Variants in WDR36 observed in about 807,000 individuals in gnomAD.
WDR36 encodes WD repeat domain 36.
WDR36 carries 63 observed loss-of-function variants against 112.7 expected under a neutral mutation model. That is an observed-to-expected ratio of 0.56 (90% CI 0.46 to 0.69). The LOEUF is 0.69. WDR36 is among the 30% of genes least tolerant of loss of function. The probability of loss-of-function intolerance (pLI) is 0.00; values close to 1 mark genes in which losing one functional copy is unlikely to be tolerated. For missense variants in WDR36, 1,226 were observed against 1,070.3 expected (o/e 1.15, Z -2.03); for synonymous variants, 410 against 362.2 (o/e 1.13, Z -1.50).
rs1345348602 is a variant in WDR36 at position 111,125,469 on chromosome 5, A to G, written c.2351-139A>G. 16 of 847,158 alleles carry G rather than the reference A, an allele frequency of 1.9e-5. No homozygotes were observed. In the East Asian group the frequency reaches 3.8e-4, roughly 20 times the overall value. The allele number at this position is 847,158 out of a possible 1,614,324, so 52.5% of individuals were successfully genotyped here. A position where few individuals can be genotyped will look rare whatever the true frequency, so the allele number is the denominator to read the frequency against. On this transcript the variant is annotated intron_variant, in intron 21 of 22. Coordinates refer to ENST00000513710, the MANE Select transcript of WDR36 (RefSeq NM_139281.3). ...ATTATTTTGGGTTTCATTCTACTAC[A>G]TAATATGAAAAAATTAACCCACAGG...
chr5:111,097,844 GGTTCCC>G (rs1374450998), intron 3 of WDR36, among the ~76,000 whole-genome samples: 1 of 152,162 alleles, frequency 6.6e-6, no homozygotes, highest in Non-Finnish European at 1.5e-5. Context: ...GGAGTGAGGT[GGTTCCC>G]ACAGTCTTTC....
In WDR36 at chr5:111,119,137, A is replaced by T; in HGVS notation, c.1904+17A>T. On this transcript the variant is annotated intron_variant, in intron 17 of 22. Coordinates refer to ENST00000513710, the MANE Select transcript of WDR36 (RefSeq NM_139281.3). ...TTATCTATGGTAAGTTCTTTCATAC[A>T]GTTCTGTTTTGGGATGAAGAAGATT... 6.3e-7 allele frequency: 1 copy of T among 1,580,966 alleles called. No individual in the cohort carries two copies. Among genetic ancestry groups the T allele is most frequent in the South Asian group, 1.1e-5 (1 of 90,434 alleles).
Position 111,107,339 on chromosome 5 carries a change from A to C in WDR36, c.1226A>C (p.Gln409Pro). 6.2e-7 allele frequency: 1 copy of C among 1,610,592 alleles called. No homozygotes were observed. ...TGGGATGGTATCATTGCTTGCCATCAAGGTAAGCTATCTTGCTCAACCTGG... is the reference window on the plus strand; with the variant it reads ...TGGGATGGTATCATTGCTTGCCATCCAGGTAAGCTATCTTGCTCAACCTGG... ...SDWDGIIACH[Q>P]GKLSCSTWNY... Residue 409 changes from glutamine to proline, a missense_variant, in exon 12 of 23, where the codon CAA becomes CCA. Transcript: ENST00000513710.
intron 8 of WDR36, 145 bp from the exon 9 acceptor site, chr5:111,104,552 A>C: frequency 7.2e-7 from 1 of 1,395,052 alleles, no homozygotes; most frequent in Non-Finnish European, 1.0e-6. Context: ...TTTCTCCCCC[A>C]ATACCCACTC....
At chr5:111,104,486 A>G in intron 8 of WDR36, 134 bp downstream of exon 8, 1 of 1,418,448 alleles carries the variant, frequency 7.0e-7, no homozygotes, top group Admixed American at 1.7e-5. Flanking sequence ...TATAGATGAA[A>G]CAAAAAGCAC....
chr5:111,121,018 A>G lies in WDR36; in HGVS notation c.2025A>G (p.Thr675=). The stretch of plus-strand genomic sequence containing the variant: ...AAGATGTAGAAGTATCAGAAGAAAC[A>G]GTAGAACCAAGTGATGAATTGATAG... ...QTQDVEVSEE[T]VEPSDELIEY... is the part of the protein sequence containing the mutation. Residue 675 remains threonine (T), a synonymous_variant, in exon 19 of 23, where the codon ACA becomes ACG. Transcript: ENST00000513710. 4 of 1,613,464 alleles carry G rather than the reference A, an allele frequency of 2.5e-6. No homozygotes were observed. Among genetic ancestry groups the G allele is most frequent in the South Asian group, 1.1e-5 (1 of 91,040 alleles).
chr5:111,111,156 A>T lies in WDR36; in HGVS notation c.1608-14A>T. ...GTTTTTTGTTTATTAAAACTGGTGCATTTATCTTGCTAGTGGCATTCTGGG... is the reference window on the plus strand; with the variant it reads ...GTTTTTTGTTTATTAAAACTGGTGCTTTTATCTTGCTAGTGGCATTCTGGG... On this transcript the variant is annotated splice_polypyrimidine_tract_variant and intron_variant, in intron 14 of 22. Transcript: ENST00000513710. The T allele has an allele frequency of 6.2e-7, 1 of 1,609,832 alleles. No homozygotes were observed. The highest frequency in any genetic ancestry group is 8.5e-7 in the Non-Finnish European group (1 of 1,176,438).
In WDR36 at chr5:111,110,222, G is replaced by A. The variant is rs1408646368; in HGVS notation, c.1360G>A (p.Val454Ile). Reference protein sequence around the residue: ...VDITSCGNFAVIGLSSGTVDV... With the variant: ...VDITSCGNFAIIGLSSGTVDV... Reference sequence around the variant, plus strand: ...TATAACTTCTTGTGGAAACTTTGCTGTAATTGGCCTCTCATCAGGAACTGT... The same window carrying A: ...TATAACTTCTTGTGGAAACTTTGCTATAATTGGCCTCTCATCAGGAACTGT... Residue 454 changes from valine (V) to isoleucine (I), a missense_variant, in exon 13 of 23, where the codon GTA (valine) becomes ATA (isoleucine). Transcript: ENST00000513710. 1.9e-6 allele frequency: 3 copies of A among 1,610,636 alleles called. No homozygotes were observed. The highest frequency in any genetic ancestry group is 1.1e-5 in the South Asian group (1 of 91,026).
At chr5:111,114,625 C>T (rs1034603751) in intron 16 of WDR36, among the ~76,000 whole-genome samples, 7 of 152,186 alleles carry the variant, frequency 4.6e-5, no homozygotes, top group Non-Finnish European at 8.8e-5. Context: ...GAAGCAAAAT[C>T]GAATTTATTG....
chr5:111,100,859 T>C, intron 5 of WDR36, 138 bp downstream of exon 5: 1 of 767,684 alleles, frequency 1.3e-6, no homozygotes, highest in Non-Finnish European at 2.0e-6. Context: ...GTTGGTCCCC[T>C]GTATCAGAGG....
intron 12 of WDR36, among the ~76,000 whole-genome samples, chr5:111,109,347 T>G (rs1753280515): frequency 6.6e-6 from 1 of 151,400 alleles, no homozygotes; most frequent in Non-Finnish European, 1.5e-5. Flanking sequence ...AAAAGAAATC[T>G]TTATCTAGAA....
At chr5:111,118,985 A>G (rs1466111304) in intron 16 of WDR36, 28 bp from the exon 17 acceptor site, 1 of 1,565,024 alleles carries the variant, frequency 6.4e-7, no homozygotes, top group Admixed American at 1.7e-5. Flanking sequence ...GAGTTCAAAT[A>G]CTTTTAACAT....
intron 22 of WDR36, 123 bp from the exon 23 acceptor site, chr5:111,126,611 C>A: frequency 1.8e-6 from 2 of 1,098,844 alleles, no homozygotes; most frequent in Non-Finnish European, 2.7e-6. Context: ...AGTAATAAAC[C>A]AGCGCTTAAG....
intron 4 of WDR36, among the ~76,000 whole-genome samples, chr5:111,099,708 G>T (rs1012103910): frequency 3.3e-5 from 5 of 151,862 alleles, no homozygotes; most frequent in African/African-American, 1.2e-4. Flanking sequence ...GGAGCCATTT[G>T]TAGTGACTGA....
intron 21 of WDR36, among the ~76,000 whole-genome samples, chr5:111,124,554 A>G (rs2112592278): frequency 6.6e-6 from 1 of 152,174 alleles, no homozygotes; most frequent in Admixed American, 6.5e-5. Flanking sequence ...TTTTGTTTTT[A>G]TTTATAATTT....
chr5:111,126,486 G>T (rs1381917687), intron 22 of WDR36, among the ~76,000 whole-genome samples: 1 of 152,042 alleles, frequency 6.6e-6, no homozygotes, highest in Non-Finnish European at 1.5e-5. Context: ...AAAGTATCAG[G>T]ACTGTCCTTA....
chr5:111,129,430 T>C lies in WDR36; in HGVS notation c.*2547T>C, dbSNP rs1753742081. The C allele has an allele frequency of 5.2e-6, 1 of 193,354 alleles. No homozygotes were observed. The highest frequency in any genetic ancestry group is 1.1e-5 in the Non-Finnish European group (1 of 92,748). 12.0% of individuals were successfully genotyped at this position (193,354 alleles called of 1,614,324 possible). A position where few individuals can be genotyped will look rare whatever the true frequency, so the allele number is the denominator to read the frequency against. ...TATTGGATTTTTGTAATTTAATTAC[T>C]CTGAAAAAATTATTTTGGTTTTAAA... On this transcript the variant is annotated 3_prime_UTR_variant, in exon 23 of 23. Coordinates refer to ENST00000513710, the MANE Select transcript of WDR36 (RefSeq NM_139281.3).
chr5:111,116,669 C>T (rs1002552501), intron 16 of WDR36, among the ~76,000 whole-genome samples: 1 of 152,108 alleles, frequency 6.6e-6, no homozygotes, highest in African/African-American at 2.4e-5. Flanking sequence ...TGGGATGAGC[C>T]TGTGCATTTA....
rs201180028 is a variant in WDR36 at position 111,113,052 on chromosome 5, ATTTTTTTT to A, written c.1717-17_1717-10del. On this transcript the variant is annotated splice_polypyrimidine_tract_variant and intron_variant, in intron 15 of 22. Transcript: ENST00000513710. ...ATATAAATAATATATATATATATAT[ATTTTTTTT>A]TTTTAATTTAAAGGCTTTTAGTCCT... 21 of 472,680 alleles carry A rather than the reference ATTTTTTTT, an allele frequency of 4.4e-5. No homozygotes were observed. The highest frequency in any genetic ancestry group is 2.0e-4 in the South Asian group (4 of 20,008). 29.3% of individuals were successfully genotyped at this position (472,680 alleles called of 1,614,324 possible). A position where few individuals can be genotyped will look rare whatever the true frequency, so the allele number is the denominator to read the frequency against.
Sources: allele counts gnomAD v4.1 joint callset (sites outside exome capture counted in the v4.1 genomes callset), GRCh38; gene constraint gnomAD v4.1.1; transcripts MANE v1.5; gene names NCBI Gene and HGNC (gene_info 2026-07-23, HGNC 2026-07-21).